SWAP70: variants seen among roughly 807,000 people sequenced by gnomAD.
SWAP70 encodes the protein switch-associated protein 70.
SWAP70 carries 34 observed loss-of-function variants against 80.2 expected under a neutral mutation model. The observed-to-expected ratio is 0.42, with a 90% CI of 0.32 to 0.56. SWAP70 has a LOEUF of 0.56. SWAP70 is among the 20% of genes least tolerant of loss of function. The pLI, the probability that SWAP70 is intolerant of heterozygous loss-of-function variation, is 0.09. For synonymous variants in SWAP70, 239 were observed against 238.5 expected (o/e 1.00, Z -0.02); for missense variants, 578 against 690.7 (o/e 0.84, Z 1.83).
chr11:9,700,550 T>C (rs1372969835), intron 2 of SWAP70, among the ~76,000 whole-genome samples: 13 of 152,244 alleles, frequency 8.5e-5, no homozygotes, highest in Admixed American at 8.5e-4. Context: ...GATCTTCATG[T>C]TAATTCTGTG....
chr11:9,722,515 T>C (rs1156624848), intron 3 of SWAP70, among the ~76,000 whole-genome samples: 2 of 152,208 alleles, frequency 1.3e-5, no homozygotes, highest in Non-Finnish European at 2.9e-5. Context: ...AAAATACAGA[T>C]TCTGATTTTT....
At chr11:9,725,550 TATATATATATATATATA>T (rs1851203816) in intron 4 of SWAP70, among the ~76,000 whole-genome samples, 3 of 10,908 alleles carry the variant, frequency 2.8e-4, no homozygotes, top group African/African-American at 8.2e-4. Flanking sequence ...TATATATATA[TATATATATATATATATA>T]TATTTTTTTT....
intron 2 of SWAP70, among the ~76,000 whole-genome samples, chr11:9,705,860 CTGTGTATACT>C (rs1850903123): frequency 1.0e-4 from 2 of 19,486 alleles, no homozygotes; most frequent in Admixed American, 5.4e-4. Flanking sequence ...CACTGGTGAT[CTGTGTATACT>C]TGGTGATCTG....
At chr11:9,673,570 G>T (rs1850447355) in intron 1 of SWAP70, among the ~76,000 whole-genome samples, 1 of 152,164 alleles carries the variant, frequency 6.6e-6, no homozygotes, top group African/African-American at 2.4e-5. Flanking sequence ...ACAAAAAAGG[G>T]TATGATCTAA....
intron 6 of SWAP70, among the ~76,000 whole-genome samples, chr11:9,730,172 A>G (rs1393051447): frequency 6.6e-6 from 1 of 152,082 alleles, no homozygotes; most frequent in African/African-American, 2.4e-5. Context: ...CCATGTGTAC[A>G]CATATTTTAG....
At chr11:9,686,125 T>C in intron 1 of SWAP70, among the ~76,000 whole-genome samples, 1 of 151,810 alleles carries the variant, frequency 6.6e-6, no homozygotes, top group African/African-American at 2.4e-5. Context: ...ACTCAAACAA[T>C]GTATTAAAGT....
intron 1 of SWAP70, among the ~76,000 whole-genome samples, chr11:9,692,479 T>C (rs1288205520): frequency 2.0e-5 from 3 of 151,912 alleles, no homozygotes. Flanking sequence ...ACTTAATTTA[T>C]GTTGGAGATC....
chr11:9,738,451 G>A (rs1590046724), intron 8 of SWAP70, 131 bp downstream of exon 8: 2 of 508,408 alleles, frequency 3.9e-6, no homozygotes, highest in East Asian at 6.6e-5. Context: ...ATGGGCTGTA[G>A]GGGAAGTTGC....
intron 3 of SWAP70, 51 bp downstream of exon 3, chr11:9,713,690 A>C: frequency 6.4e-7 from 1 of 1,552,070 alleles, no homozygotes; most frequent in Non-Finnish European, 8.7e-7. Flanking sequence ...CATTTAATAG[A>C]CCTGGCTTGG....
chr11:9,679,389 T>G (rs571378945), intron 1 of SWAP70, among the ~76,000 whole-genome samples: 1 of 152,324 alleles, frequency 6.6e-6, no homozygotes, highest in African/African-American at 2.4e-5. Flanking sequence ...ATGTCAGCCT[T>G]GGCAGGCAGC....
chr11:9,721,471 CTTTTTTT>C, intron 3 of SWAP70, among the ~76,000 whole-genome samples: 2 of 138,148 alleles, frequency 1.4e-5, no homozygotes, highest in Middle Eastern at 7.4e-3. Flanking sequence ...TTCTTTCTTT[CTTTTTTT>C]TTTTTTTTAA....
intron 2 of SWAP70, chr11:9,703,595 G>A: frequency 2.4e-6 from 1 of 417,578 alleles, no homozygotes; most frequent in Admixed American, 2.6e-5. Context: ...GTTTCCCGCA[G>A]CAGCCTGTGC....
intron 4 of SWAP70, among the ~76,000 whole-genome samples, chr11:9,725,553 A>T (rs1429502014): frequency 4.6e-5 from 1 of 21,558 alleles, no homozygotes; most frequent in African/African-American, 1.3e-4. Flanking sequence ...ATATATATAT[A>T]TATATATATA....
chr11:9,735,353 A>G (rs1228287179), intron 7 of SWAP70, among the ~76,000 whole-genome samples: 3 of 152,214 alleles, frequency 2.0e-5, no homozygotes, highest in East Asian at 3.9e-4. Context: ...ATTCTTTTTT[A>G]TGGCTGTAGA....
At chr11:9,722,244 T>C (rs1260975244) in intron 3 of SWAP70, among the ~76,000 whole-genome samples, 2 of 152,218 alleles carry the variant, frequency 1.3e-5, no homozygotes, top group Admixed American at 1.3e-4. Context: ...AAGGCTTACT[T>C]AGTTAATTTC....
At chr11:9,669,844 C>T (rs1461177281) in intron 1 of SWAP70, among the ~76,000 whole-genome samples, 1 of 152,042 alleles carries the variant, frequency 6.6e-6, no homozygotes, top group Non-Finnish European at 1.5e-5. Context: ...TAGAAAGTTA[C>T]TTGCCAGGTG....
In SWAP70 at chr11:9,752,574, A is replaced by G. The variant is rs938507819; in HGVS notation, c.*2604A>G. 6.6e-6 allele frequency: 1 copy of G among 152,238 alleles called. No individual in the cohort carries two copies. Among genetic ancestry groups the G allele is most frequent in the Non-Finnish European group, 1.5e-5 (1 of 68,042 alleles). 9.4% of individuals were successfully genotyped at this position (152,238 alleles called of 1,614,324 possible). On this transcript the variant is annotated 3_prime_UTR_variant, in exon 12 of 12. Coordinates refer to ENST00000318950, the MANE Select transcript of SWAP70 (RefSeq NM_015055.4). Reference sequence around the variant, plus strand: ...AACTAAGTATATCCCATTTGGAATTATATTTTGATACTATTTAAAATGGTT... The same window carrying G: ...AACTAAGTATATCCCATTTGGAATTGTATTTTGATACTATTTAAAATGGTT...
intron 1 of SWAP70, among the ~76,000 whole-genome samples, chr11:9,692,394 G>C (rs1279585701): frequency 6.6e-6 from 1 of 151,510 alleles, no homozygotes; most frequent in Non-Finnish European, 1.5e-5. Context: ...TATCCCTCCA[G>C]AATTTCTTTT....
chr11:9,710,842 G>T (rs1850988073), intron 2 of SWAP70, among the ~76,000 whole-genome samples: 1 of 151,700 alleles, frequency 6.6e-6, no homozygotes, highest in Admixed American at 6.6e-5. Flanking sequence ...GTTGTGCTCA[G>T]CTAATTTTTA....
Sources: allele counts gnomAD v4.1 joint callset (sites outside exome capture counted in the v4.1 genomes callset), GRCh38; gene constraint gnomAD v4.1.1; transcripts MANE v1.5; gene names NCBI Gene and HGNC (gene_info 2026-07-23, HGNC 2026-07-21).